CLIC4: variants seen among roughly 807,000 people sequenced by gnomAD.
CLIC4 encodes chloride intracellular channel protein 4.
A neutral mutation model predicts 24.6 loss-of-function variants in CLIC4; 13 were observed. The observed-to-expected ratio is 0.53, with a 90% CI of 0.34 to 0.84. The LOEUF (loss-of-function observed/expected upper bound fraction) is 0.84, where lower values mean the gene tolerates loss of function less well. CLIC4 is among the 40% of genes least tolerant of loss of function. The pLI, the probability that CLIC4 is intolerant of heterozygous loss-of-function variation, is 0.01. For synonymous variants in CLIC4, 104 were observed against 111.3 expected (o/e 0.93, Z 0.41); for missense variants, 227 against 301.7 (o/e 0.75, Z 1.83).
intron 3 of CLIC4, among the ~76,000 whole-genome samples, chr1:24,824,531 G>A (rs530482289): frequency 2.6e-5 from 4 of 152,236 alleles, no homozygotes; most frequent in East Asian, 1.9e-4. Context: ...GCATCCCAAA[G>A]TGCTGGGATT....
intron 4 of CLIC4, among the ~76,000 whole-genome samples, chr1:24,838,840 A>T (rs1393321035): frequency 6.6e-6 from 1 of 152,134 alleles, no homozygotes; most frequent in Non-Finnish European, 1.5e-5. Flanking sequence ...AATGAATGCC[A>T]TCAAAATATG....
intron 1 of CLIC4, among the ~76,000 whole-genome samples, chr1:24,783,530 C>T (rs181347928): frequency 2.0e-5 from 3 of 152,018 alleles, no homozygotes; most frequent in Non-Finnish European, 4.4e-5. Flanking sequence ...AGCAAAACCT[C>T]GTCTCTACTA....
chr1:24,801,636 T>C (rs1639491543), intron 2 of CLIC4, among the ~76,000 whole-genome samples: 1 of 152,242 alleles, frequency 6.6e-6, no homozygotes. Flanking sequence ...AGAATTAATC[T>C]ATGTTATCCC....
At chr1:24,813,399 CTCTTT>C (rs1448806236) in intron 2 of CLIC4, among the ~76,000 whole-genome samples, 2 of 151,252 alleles carry the variant, frequency 1.3e-5, no homozygotes, top group African/African-American at 4.9e-5. Flanking sequence ...CCACTTTGAT[CTCTTT>C]TCTTTTTCTT....
At chr1:24,819,688 C>T (rs1163834896) in intron 3 of CLIC4, among the ~76,000 whole-genome samples, 3 of 151,880 alleles carry the variant, frequency 2.0e-5, no homozygotes, top group Non-Finnish European at 2.9e-5. Flanking sequence ...ATCCACCCGC[C>T]TCGGCCTCCC....
At chr1:24,764,508 G>A (rs1273523896) in intron 1 of CLIC4, among the ~76,000 whole-genome samples, 4 of 152,034 alleles carry the variant, frequency 2.6e-5, no homozygotes, top group African/African-American at 7.2e-5. Context: ...GCAAAAATTA[G>A]CTGTGTATTG....
intron 1 of CLIC4, among the ~76,000 whole-genome samples, chr1:24,773,273 G>A (rs1270286193): frequency 4.6e-5 from 7 of 152,036 alleles, no homozygotes; most frequent in African/African-American, 1.7e-4. Context: ...AGTTAAAATT[G>A]GTCTGAGAAC....
At chr1:24,822,316 G>T (rs1221902163) in intron 3 of CLIC4, among the ~76,000 whole-genome samples, 1 of 147,386 alleles carries the variant, frequency 6.8e-6, no homozygotes, top group Non-Finnish European at 1.5e-5. Flanking sequence ...ACCAAAGGTG[G>T]TTATTAAACT....
Position 24,840,800 on chromosome 1 carries a change from G to A in CLIC4, c.625G>A (p.Asp209Asn), listed in dbSNP as rs552814821. 3.0e-5 allele frequency: 48 copies of A among 1,606,316 alleles called. No individual in the cohort carries two copies. Among genetic ancestry groups the A allele is most frequent in the Non-Finnish European group, 3.8e-5 (45 of 1,176,732 alleles). Residue 209 changes from aspartate (D) to asparagine (N), a missense_variant, in exon 6 of 6, where the codon GAT becomes AAT. Transcript: ENST00000374379. ...GGTGGCCAAAAAATATCGCAACTTT[G>A]ATATTCCAAAAGAAATGACTGGCAT... is the stretch of plus-strand genomic sequence containing the variant. ...KVVAKKYRNF[D>N]IPKEMTGIWR...
At chr1:24,836,438 T>C (rs1291235041) in intron 4 of CLIC4, among the ~76,000 whole-genome samples, 1 of 151,992 alleles carries the variant, frequency 6.6e-6, no homozygotes, top group Non-Finnish European at 1.5e-5. Flanking sequence ...TGGAACAAAA[T>C]TGATGGTAAA....
rs568766374 is a variant in CLIC4, at chr1:24,831,712, C to T, written c.415+4596C>T. Among the ~76,000 whole-genome samples, 5 of 152,342 alleles carry T rather than the reference C, an allele frequency of 3.3e-5. No homozygotes were observed. The South Asian group carries it at 8.3e-4, about 25-fold the overall frequency. On this transcript the variant is annotated intron_variant, in intron 4 of 5. Coordinates refer to ENST00000374379, the MANE Select transcript of CLIC4 (RefSeq NM_013943.3). Reference sequence around the variant, plus strand: ...GGAGTGCAGTGGCACGATCTCGGCTCACTGCAACCTCCACCTCCCGGGTTC... The same window carrying T: ...GGAGTGCAGTGGCACGATCTCGGCTTACTGCAACCTCCACCTCCCGGGTTC...
chr1:24,818,709 A>G (rs2124157640), intron 3 of CLIC4, among the ~76,000 whole-genome samples: 1 of 152,180 alleles, frequency 6.6e-6, no homozygotes, highest in East Asian at 1.9e-4. Flanking sequence ...CTCAACAAGT[A>G]CAGTCATGTA....
intron 1 of CLIC4, among the ~76,000 whole-genome samples, chr1:24,788,723 C>A (rs1320752496): frequency 6.6e-6 from 1 of 152,222 alleles, no homozygotes; most frequent in Non-Finnish European, 1.5e-5. Context: ...TGAGAGACTT[C>A]TCCTTCTGGG....
At chr1:24,770,342 T>G (rs1457343752) in intron 1 of CLIC4, among the ~76,000 whole-genome samples, 1 of 151,526 alleles carries the variant, frequency 6.6e-6, no homozygotes, top group East Asian at 1.9e-4. Flanking sequence ...TTTCTTTTTG[T>G]GGAGAGAGGA....
chr1:24,750,875 A>G (rs1160826986), intron 1 of CLIC4, among the ~76,000 whole-genome samples: 1 of 152,014 alleles, frequency 6.6e-6, no homozygotes, highest in Non-Finnish European at 1.5e-5. Context: ...ATTTTGTATG[A>G]ATATATATTT....
At chr1:24,820,067 G>GTGTGTGTATGTGTGTATATATATA (rs1212033050) in intron 3 of CLIC4, among the ~76,000 whole-genome samples, 1 of 36,472 alleles carries the variant, frequency 2.7e-5, no homozygotes. Flanking sequence ...AAAAAAGTAT[G>GTGTGTGTATGTGTGTATATATATA]TATATATATA....
At chr1:24,773,494 TAAACA>T (rs1313229562) in intron 1 of CLIC4, among the ~76,000 whole-genome samples, 4 of 151,660 alleles carry the variant, frequency 2.6e-5, no homozygotes, top group Non-Finnish European at 4.4e-5. Context: ...CTTTAGTTGA[TAAACA>T]AGGGAAGACC....
intron 1 of CLIC4, among the ~76,000 whole-genome samples, chr1:24,764,062 C>T (rs1232389878): frequency 1.3e-5 from 2 of 152,128 alleles, no homozygotes; most frequent in African/African-American, 4.8e-5. Flanking sequence ...TTATAGTTGG[C>T]TAAAAATATT....
intron 4 of CLIC4, among the ~76,000 whole-genome samples, chr1:24,838,085 C>A (rs1209152324): frequency 6.6e-6 from 1 of 152,028 alleles, no homozygotes; most frequent in Non-Finnish European, 1.5e-5. Flanking sequence ...CTCCGTAGCC[C>A]CTAAATCGGT....
Sources: allele counts gnomAD v4.1 joint callset (sites outside exome capture counted in the v4.1 genomes callset), GRCh38; gene constraint gnomAD v4.1.1; transcripts MANE v1.5; gene names NCBI Gene and HGNC (gene_info 2026-07-23, HGNC 2026-07-21).